RPS19: variants seen among roughly 807,000 people sequenced by gnomAD.
The protein encoded by RPS19 is small ribosomal subunit protein eS19.
In RPS19, 1 loss-of-function variant was observed where a neutral mutation model predicts 20.3. The observed-to-expected ratio is 0.05, with a 90% CI of 0.02 to 0.23. The LOEUF (loss-of-function observed/expected upper bound fraction) is 0.23, where lower values mean the gene tolerates loss of function less well. RPS19 is among the 10% of genes least tolerant of loss of function. The probability of loss-of-function intolerance (pLI) is 1.00; values close to 1 mark genes in which losing one functional copy is unlikely to be tolerated. For synonymous variants in RPS19, 87 were observed against 74.8 expected (o/e 1.16, Z -0.84); for missense variants, 111 against 192.7 (o/e 0.58, Z 2.51).
At chr19:41,871,114 C>T (rs183633561) in intron 5 of RPS19, among the ~76,000 whole-genome samples, 26 of 152,144 alleles carry the variant, frequency 1.7e-4, no homozygotes, top group Admixed American at 1.5e-3. Flanking sequence ...CCACCTGCCT[C>T]GGCCTTCCAG....
At chr19:41,860,527 G>T in intron 1 of RPS19, 2 of 555,158 alleles carry the variant, frequency 3.6e-6, no homozygotes, top group East Asian at 3.1e-5. Context: ...CGGGGCTGGG[G>T]AGTGGGGTCG....
rs2074154684 is a variant in RPS19, at chr19:41,872,096, G to A, written c.*719G>A. 6.6e-6 allele frequency: 1 copy of A among 152,442 alleles called. No homozygotes were observed. Among genetic ancestry groups the A allele is most frequent in the South Asian group, 2.1e-4 (1 of 4,850 alleles). 9.4% of individuals were successfully genotyped at this position (152,442 alleles called of 1,614,324 possible). ...GGTGGAAGCAGATCCCTGTGCAGAA[G>A]TTGAATTACCAGGGCGGCCACACAC... is the stretch of plus-strand genomic sequence containing the variant. On this transcript the variant is annotated 3_prime_UTR_variant, in exon 6 of 6. Coordinates refer to ENST00000598742, the MANE Select transcript of RPS19 (RefSeq NM_001022.4).
Position 41,869,013 on chromosome 19 carries a change from C to T in RPS19, c.173-18C>T, listed in dbSNP as rs1568795123. On this transcript the variant is annotated intron_variant, in intron 3 of 5. Transcript: ENST00000598742. ...CCTTGATCAAGACCCTTAAATCTCC[C>T]TCTCACACTACCCCCAGCTTCCACA... 1.9e-6 allele frequency: 3 copies of T among 1,612,924 alleles called. No individual in the cohort carries two copies. Among genetic ancestry groups the T allele is most frequent in the Admixed American group, 1.7e-5 (1 of 59,996 alleles).
At position 41,861,148 on chromosome 19, in the gene RPS19, C is replaced by T. The variant is rs782145302; in HGVS notation, c.108C>T (p.Thr36=). The T allele has an allele frequency of 1.9e-6, 3 of 1,614,110 alleles. No individual in the cohort carries two copies. The highest frequency in any genetic ancestry group is 1.6e-4 in the Middle Eastern group (1 of 6,062). Residue 36 remains threonine (T), a synonymous_variant, in exon 3 of 6, where the codon ACC becomes ACT. Transcript: ENST00000598742. ...TGAAAGTCCCCGAATGGGTGGATACCGTCAAGCTGGCCAAGCACAAAGAGC... is the reference window on the plus strand; with the variant it reads ...TGAAAGTCCCCGAATGGGTGGATACTGTCAAGCTGGCCAAGCACAAAGAGC... ...GKLKVPEWVD[T]VKLAKHKELA...
At chr19:41,862,321 C>T (rs1158105631) in intron 3 of RPS19, among the ~76,000 whole-genome samples, 4 of 152,156 alleles carry the variant, frequency 2.6e-5, no homozygotes, top group African/African-American at 4.8e-5. Flanking sequence ...ATAACTCAGC[C>T]GCGGCCTCTG....
At chr19:41,862,056 C>G (rs1273062841) in intron 3 of RPS19, among the ~76,000 whole-genome samples, 9 of 152,164 alleles carry the variant, frequency 5.9e-5, no homozygotes, top group African/African-American at 2.2e-4. Flanking sequence ...CTCGGCCTCT[C>G]CAATCTTAAA....
chr19:41,862,551 G>GGGTC (rs2074042848), intron 3 of RPS19, among the ~76,000 whole-genome samples: 1 of 152,120 alleles, frequency 6.6e-6, no homozygotes, highest in African/African-American at 2.4e-5. Flanking sequence ...TTGGATCTGG[G>GGGTC]ATTAGCCTTT....
chr19:41,869,527 G>A, intron 4 of RPS19, 172 bp from the exon 5 acceptor site: 2 of 666,410 alleles, frequency 3.0e-6, no homozygotes, highest in Non-Finnish European at 5.2e-6. Context: ...AGCTCCCAGG[G>A]GGGCTCCCAC....
At position 41,869,171 on chromosome 19, in the gene RPS19, C is replaced by A; in HGVS notation, c.313C>A (p.Gln105Lys). ...CAAGAGTGTGGCCCGCCGGGTCCTCCAAGCCCTGGAGGGGCTGAAAATGGT... is the reference window on the plus strand; with the variant it reads ...CAAGAGTGTGGCCCGCCGGGTCCTCAAAGCCCTGGAGGGGCTGAAAATGGT... ...GSKSVARRVL[Q>K]ALEGLKMVEK... Residue 105 changes from glutamine (Q) to lysine (K), a missense_variant, in exon 4 of 6, where the codon CAA becomes AAA. Coordinates refer to ENST00000598742, the MANE Select transcript of RPS19 (RefSeq NM_001022.4). 6.2e-7 allele frequency: 1 copy of A among 1,613,984 alleles called. No homozygotes were observed. Among genetic ancestry groups the A allele is most frequent in the South Asian group, 1.1e-5 (1 of 91,070 alleles).
intron 3 of RPS19, among the ~76,000 whole-genome samples, chr19:41,866,404 T>C (rs2074090450): frequency 6.6e-6 from 1 of 152,196 alleles, no homozygotes; most frequent in South Asian, 2.1e-4. Context: ...TGCTGGGTAT[T>C]TGAGCTGGTC....
chr19:41,871,110 G>A (rs567622770), intron 5 of RPS19, among the ~76,000 whole-genome samples: 2 of 152,122 alleles, frequency 1.3e-5, no homozygotes, highest in East Asian at 3.9e-4. Context: ...TGATCCACCT[G>A]CCTCGGCCTT....
chr19:41,869,835 T>G, intron 5 of RPS19, 82 bp downstream of exon 5: 1 of 1,455,126 alleles, frequency 6.9e-7, no homozygotes, highest in Non-Finnish European at 9.6e-7. Flanking sequence ...TCAGGTAGAC[T>G]TATTTCCTTC....
At position 41,860,586 on chromosome 19, in the gene RPS19, G is replaced by C. The variant is rs1600607381; in HGVS notation, c.1-189G>C. On this transcript the variant is annotated intron_variant, in intron 1 of 5. Coordinates refer to ENST00000598742, the MANE Select transcript of RPS19 (RefSeq NM_001022.4). ...CCGGGCTCTGTTAGTGCGATCCAGA[G>C]AGGCCGTGGGCGTCGGTGAGCTCCT... is the stretch of plus-strand genomic sequence containing the variant. 20 of 679,146 alleles carry C rather than the reference G, an allele frequency of 2.9e-5. No individual in the cohort carries two copies. In the East Asian group the frequency reaches 4.2e-4, roughly 14 times the overall value. The allele number at this position is 679,146 out of a possible 1,614,324, so 42.1% of individuals were successfully genotyped here.
intron 3 of RPS19, among the ~76,000 whole-genome samples, chr19:41,865,204 T>A (rs2094601744): frequency 1.3e-5 from 2 of 151,980 alleles, no homozygotes; most frequent in African/African-American, 4.8e-5. Context: ...CCGTCTCTAC[T>A]AAAAATAAAA....
Position 41,872,363 on chromosome 19 carries a change from C to G in RPS19, c.*986C>G, listed in dbSNP as rs1016543420. The G allele has an allele frequency of 6.6e-6, 1 of 152,294 alleles. No homozygotes were observed. Among genetic ancestry groups the G allele is most frequent in the East Asian group, 1.9e-4 (1 of 5,206 alleles). 9.4% of individuals were successfully genotyped at this position (152,294 alleles called of 1,614,324 possible). ...CCCCTGTCCAAATTATTCCTGGGAT[C>G]TGACCCATTTCCTGGAAAGGGGCGA... On this transcript the variant is annotated 3_prime_UTR_variant, in exon 6 of 6. Coordinates refer to ENST00000598742, the MANE Select transcript of RPS19 (RefSeq NM_001022.4).
At chr19:41,870,008 C>T (rs557166974) in intron 5 of RPS19, among the ~76,000 whole-genome samples, 4 of 152,106 alleles carry the variant, frequency 2.6e-5, no homozygotes, top group East Asian at 1.9e-4. Flanking sequence ...TTTGGGATGC[C>T]GAGGCAGGCG....
In RPS19 at chr19:41,863,160, G is replaced by A. The variant is rs575449543; in HGVS notation, c.172+1948G>A. ...ACCCTCCTAAGTAGCTGGGACTACA[G>A]GTGCCTATCAGTCACCATGCCTAGC... On this transcript the variant is annotated intron_variant, in intron 3 of 5. Coordinates refer to ENST00000598742, the MANE Select transcript of RPS19 (RefSeq NM_001022.4). 4.6e-5 allele frequency among the ~76,000 whole-genome samples: 7 copies of A among 152,302 alleles called. No individual in the cohort carries two copies. In the East Asian group the frequency reaches 1.3e-3, roughly 29 times the overall value.
At chr19:41,871,289 T>C in intron 5 of RPS19, 62 bp from the exon 6 acceptor site, 1 of 1,521,020 alleles carries the variant, frequency 6.6e-7, no homozygotes, top group Non-Finnish European at 9.1e-7. Flanking sequence ...TAGGTAGCTG[T>C]TACAAAGTGC....
At chr19:41,860,494 G>A (rs2074016365) in intron 1 of RPS19, 3 of 488,198 alleles carry the variant, frequency 6.1e-6, no homozygotes, top group East Asian at 3.8e-5. Flanking sequence ...GCAGCGGCGG[G>A]GTGCGTGGGG....
Sources: gnomAD v4.1 joint callset for allele counts (sites outside exome capture counted in the v4.1 genomes callset) on GRCh38, gnomAD v4.1.1 for gene constraint, MANE v1.5 for transcripts, NCBI Gene and HGNC (gene_info 2026-07-23, HGNC 2026-07-21) for gene names.